CFAP61: variants seen among roughly 807,000 people sequenced by gnomAD.
CFAP61 encodes the protein cilia- and flagella-associated protein 61.
CFAP61 carries 107 observed loss-of-function variants against 135.6 expected under a neutral mutation model. That is an observed-to-expected ratio of 0.79 (90% CI 0.67 to 0.93). The LOEUF (loss-of-function observed/expected upper bound fraction) is 0.93, where lower values mean the gene tolerates loss of function less well. CFAP61 is among the 40% of genes least tolerant of loss of function. The probability of loss-of-function intolerance (pLI) is 0.00; values close to 1 mark genes in which losing one functional copy is unlikely to be tolerated. For synonymous variants in CFAP61, 575 were observed against 578.5 expected (o/e 0.99, Z 0.09); for missense variants, 1,507 against 1,556.2 (o/e 0.97, Z 0.53).
At position 20,075,245 on chromosome 20, in the gene CFAP61, A is replaced by C. The variant is rs778435358; in HGVS notation, c.428A>C (p.Tyr143Ser). Residue 143 changes from tyrosine (Y) to serine (S), a missense_variant, in exon 5 of 27, where the codon TAC (tyrosine) becomes TCC (serine). Tyr to Ser is a moderately radical substitution (Grantham distance 144). Transcript: ENST00000245957. ...LHFIFLIVPS[Y>S]MSLGSTLITV... ...TTCATATTTCTCATCGTGCCATCCT[A>C]CATGAGCCTAGGTAAGGCCCGCCCA... The C allele has an allele frequency of 6.2e-7, 1 of 1,614,122 alleles. No individual in the cohort carries two copies. The highest frequency in any genetic ancestry group is 8.5e-7 in the Non-Finnish European group (1 of 1,179,986).
In CFAP61 at chr20:20,359,455, G is replaced by A. The variant is rs1008202049; in HGVS notation, c.3514-755G>A. Among the ~76,000 whole-genome samples, 57 of 152,054 alleles carry A rather than the reference G, an allele frequency of 3.7e-4. 1 individual carries two copies. Among genetic ancestry groups the A allele is most frequent in the African/African-American group, 9.6e-5 (4 of 41,470 alleles). ...CGAGGTGGGCAGATCACCTGAGGTC[G>A]GGAGTTCAAGACCAGCCTGACCAAC... On this transcript the variant is annotated intron_variant, in intron 26 of 26. Coordinates refer to ENST00000245957, the MANE Select transcript of CFAP61 (RefSeq NM_015585.4). The surrounding 1 kb of genome is among the most constrained non-coding windows in gnomAD (Gnocchi z 4.0).
In CFAP61 at chr20:20,321,340, G is replaced by A. The variant is rs191940311; in HGVS notation, c.3423-20491G>A. On this transcript the variant is annotated intron_variant, in intron 25 of 26. Transcript: ENST00000245957. ...AATGACACAACATGGGCCATGAGTC[G>A]TTAACTGTTGAAACTGGGTGATAGG... 1.5e-3 allele frequency among the ~76,000 whole-genome samples: 224 copies of A among 151,760 alleles called. 4 individuals carry two copies. The highest frequency in any genetic ancestry group is 3.9e-3 in the South Asian group (19 of 4,824).
intron 8 of CFAP61, among the ~76,000 whole-genome samples, chr20:20,105,010 C>A (rs1404804126): frequency 6.6e-6 from 1 of 152,040 alleles, no homozygotes; most frequent in Non-Finnish European, 1.5e-5. Context: ...CTTCAGTGTA[C>A]GAGTTTTGGG....
At chr20:20,171,506 A>C (rs928954877) in intron 13 of CFAP61, among the ~76,000 whole-genome samples, 2 of 152,196 alleles carry the variant, frequency 1.3e-5, no homozygotes, top group African/African-American at 4.8e-5. Context: ...GACTGGAGCT[A>C]GCAGGTCTCA....
At chr20:20,268,049 G>T (rs549669294) in intron 21 of CFAP61, among the ~76,000 whole-genome samples, 2 of 152,206 alleles carry the variant, frequency 1.3e-5, no homozygotes, top group Admixed American at 1.3e-4. Context: ...AGCCATCCGT[G>T]ACCGTCCTGG....
chr20:20,244,677 ATT>A (rs2050301689), intron 18 of CFAP61, among the ~76,000 whole-genome samples: 1 of 152,190 alleles, frequency 6.6e-6, no homozygotes, highest in East Asian at 1.9e-4. Context: ...TGTCTTGGGG[ATT>A]AACATTCGGC....
intron 22 of CFAP61, among the ~76,000 whole-genome samples, chr20:20,281,313 G>A (rs2054183871): frequency 6.6e-6 from 1 of 152,124 alleles, no homozygotes; most frequent in African/African-American, 2.4e-5. Context: ...AGACATCCTT[G>A]CCTTGTTCCA....
chr20:20,182,485 G>C (rs2055176565), intron 13 of CFAP61, among the ~76,000 whole-genome samples: 1 of 151,910 alleles, frequency 6.6e-6, no homozygotes, highest in Admixed American at 6.6e-5. Context: ...ATGGTCTGGA[G>C]TCAATAGCAG....
chr20:20,130,667 A>T (rs556887966), intron 8 of CFAP61, among the ~76,000 whole-genome samples: 1 of 151,782 alleles, frequency 6.6e-6, no homozygotes, highest in African/African-American at 2.4e-5. Flanking sequence ...TCTAGCAAAC[A>T]GTCAGAGTGC....
rs796075624 is a variant in CFAP61 at position 20,320,412 on chromosome 20, A to T, written c.3423-21419A>T. On this transcript the variant is annotated intron_variant, in intron 25 of 26. Coordinates refer to ENST00000245957, the MANE Select transcript of CFAP61 (RefSeq NM_015585.4). ...TATATATAATATATGTAATATATGT[A>T]ATATATATTATATATGTAATATAAT... Among the ~76,000 whole-genome samples, 114 of 82,574 alleles carry T rather than the reference A, an allele frequency of 1.4e-3. 9 individuals are homozygous for T. Among genetic ancestry groups the T allele is most frequent in the African/African-American group, 3.6e-3 (58 of 16,046 alleles). The allele number at this position is 82,574 out of a possible 152,430, so 54.2% of individuals were successfully genotyped here.
At chr20:20,067,262 G>T (rs564049909) in intron 2 of CFAP61, among the ~76,000 whole-genome samples, 1 of 152,140 alleles carries the variant, frequency 6.6e-6, no homozygotes, top group African/African-American at 2.4e-5. Context: ...TTATTACAAA[G>T]AACAGTTTAA....
intron 22 of CFAP61, 89 bp from the exon 23 acceptor site, chr20:20,288,520 T>A (rs2054759817): frequency 2.0e-6 from 2 of 1,003,318 alleles, no homozygotes; most frequent in South Asian, 1.5e-5. Context: ...GTGCCCCGAA[T>A]AATAAAATGC....
chr20:20,225,848 G>A (rs1289611035), intron 17 of CFAP61, among the ~76,000 whole-genome samples: 2 of 152,140 alleles, frequency 1.3e-5, no homozygotes, highest in South Asian at 2.1e-4. Flanking sequence ...CTGTCAGCCT[G>A]CCTGTCTTGG....
chr20:20,085,630 T>A (rs2046749032), intron 6 of CFAP61: 6 of 686,630 alleles, frequency 8.7e-6, no homozygotes, highest in Non-Finnish European at 1.4e-5. Flanking sequence ...CTGATGTTTA[T>A]AGCTACAGAG....
intron 8 of CFAP61, among the ~76,000 whole-genome samples, chr20:20,116,084 T>G (rs1286301508): frequency 6.6e-6 from 1 of 152,204 alleles, no homozygotes; most frequent in Non-Finnish European, 1.5e-5. Context: ...TGGGTTCCCC[T>G]TCTCTACATT....
Position 20,243,673 on chromosome 20 carries a change from G to A in CFAP61, c.2061-2444G>A, listed in dbSNP as rs148674221. The stretch of plus-strand genomic sequence containing the variant: ...GCTGGTCTCAAACTCCTGACCTCAC[G>A]TGATCCACCTGCCTCGGCCTCCCAA... On this transcript the variant is annotated intron_variant, in intron 18 of 26. Coordinates refer to ENST00000245957, the MANE Select transcript of CFAP61 (RefSeq NM_015585.4). 2.7e-4 allele frequency among the ~76,000 whole-genome samples: 41 copies of A among 152,190 alleles called. 3 individuals carry two copies. The highest frequency in any genetic ancestry group is 8.9e-4 in the African/African-American group (37 of 41,528).
intron 10 of CFAP61, among the ~76,000 whole-genome samples, chr20:20,160,222 A>G (rs1284058798): frequency 6.6e-6 from 1 of 152,190 alleles, no homozygotes; most frequent in African/African-American, 2.4e-5. Flanking sequence ...TAGTTTCCCA[A>G]GAGCCTCTTG....
Position 20,075,623 on chromosome 20 carries a change from T to C in CFAP61, c.566+8T>C. 2 of 1,613,878 alleles carry C rather than the reference T, an allele frequency of 1.2e-6. No individual in the cohort carries two copies. The highest frequency in any genetic ancestry group is 1.7e-6 in the Non-Finnish European group (2 of 1,179,796). ...GCACGTTCGCAAAGCCAGGTACAGT[T>C]GGAGTCATGCCTTGTGTGACCTAAG... On this transcript the variant is annotated splice_region_variant and intron_variant, in intron 6 of 26. Coordinates refer to ENST00000245957, the MANE Select transcript of CFAP61 (RefSeq NM_015585.4).
chr20:20,269,947 T>A (rs1264358658), intron 21 of CFAP61, among the ~76,000 whole-genome samples: 1 of 152,134 alleles, frequency 6.6e-6, no homozygotes, highest in Non-Finnish European at 1.5e-5. Flanking sequence ...TGTACCTTAT[T>A]TTCTGGATAA....
Sources: allele counts gnomAD v4.1 joint callset (sites outside exome capture counted in the v4.1 genomes callset), GRCh38; gene constraint gnomAD v4.1.1; non-coding constraint Gnocchi (gnomAD v3.1); transcripts MANE v1.5; gene names NCBI Gene and HGNC (gene_info 2026-07-23, HGNC 2026-07-21).